Variants in RAD51B observed in about 807,000 individuals in gnomAD.
The protein encoded by RAD51B is DNA repair protein RAD51 homolog 2.
RAD51B carries 38 observed loss-of-function variants against 42.2 expected under a neutral mutation model. The observed-to-expected ratio is 0.90, with a 90% CI of 0.70 to 1.18. RAD51B has a LOEUF of 1.18. Ranked by LOEUF, RAD51B falls within the 50% of genes most tolerant of loss-of-function variation. The probability of loss-of-function intolerance (pLI) is 0.00; values close to 1 mark genes in which losing one functional copy is unlikely to be tolerated. For synonymous variants in RAD51B, 154 were observed against 145.2 expected, an observed-to-expected ratio of 1.06 and a Z score of -0.43; for missense variants, 373 against 400.7, an observed-to-expected ratio of 0.93 and a Z score of 0.59.
intron 7 of RAD51B, among the ~76,000 whole-genome samples, chr14:67,938,533 T>TA (rs2045040685): frequency 2.0e-5 from 3 of 152,272 alleles, no homozygotes; most frequent in Admixed American, 2.0e-4. Flanking sequence ...CTTTAGAACA[T>TA]AGCCCCCAAG....
chr14:68,198,946 T>C (rs1248076476), intron 7 of RAD51B, among the ~76,000 whole-genome samples: 1 of 152,204 alleles, frequency 6.6e-6, no homozygotes, highest in African/African-American at 2.4e-5. Context: ...TCTTTTTATA[T>C]TGAGCTAGTT....
chr14:67,862,426 A>AG (rs1191658958), intron 4 of RAD51B, among the ~76,000 whole-genome samples: 1 of 152,120 alleles, frequency 6.6e-6, no homozygotes, highest in African/African-American at 2.4e-5. Context: ...AAGCAAAAAA[A>AG]AAAAAAAGTT....
At chr14:68,319,204 T>C (rs34683771) in intron 8 of RAD51B, among the ~76,000 whole-genome samples, 107 of 152,356 alleles carry the variant, frequency 7.0e-4, no homozygotes, top group African/African-American at 2.4e-3. Flanking sequence ...AAGGGCAAAT[T>C]CTTGGCCACT....
At position 68,629,132 on chromosome 14, in the gene RAD51B, A is replaced by G. The variant is rs117829817; in HGVS notation, c.1037-21649A>G. 3.4e-3 allele frequency among the ~76,000 whole-genome samples: 518 copies of G among 152,260 alleles called. 3 individuals carry two copies. Among genetic ancestry groups the G allele is most frequent in the South Asian group, 0.022 (107 of 4,824 alleles). ...CATTTTAGCAGTGGCCCCCAGGGGA[A>G]ATCACACCATTCTTGGTTTTGTCCC... On this transcript the variant is annotated intron_variant, in intron 10 of 11. Transcript: ENST00000488612.
chr14:68,611,127 G>C, exon 11 of RAD51B: 1 of 703,150 alleles, frequency 1.4e-6, no homozygotes, highest in Non-Finnish European at 2.6e-6. Context: ...ATCCCAGGCT[G>C]TTACCCAGTG....
intron 10 of RAD51B, among the ~76,000 whole-genome samples, chr14:68,518,936 T>C (rs1886375717): frequency 6.6e-6 from 1 of 152,226 alleles, no homozygotes; most frequent in Admixed American, 6.5e-5. Context: ...GTGGCCCTTC[T>C]ATGCCAGAGC....
intron 10 of RAD51B, chr14:68,563,978 C>G (rs1889290372): frequency 1.1e-6 from 1 of 934,172 alleles, no homozygotes. Context: ...CATACACACC[C>G]TTTTCATTAT....
At chr14:68,491,587 A>G (rs1224491310) in intron 10 of RAD51B, among the ~76,000 whole-genome samples, 2 of 152,176 alleles carry the variant, frequency 1.3e-5, no homozygotes, top group African/African-American at 4.8e-5. Context: ...GACAGCTCCT[A>G]GTGTCCAGAA....
At chr14:67,955,654 T>C (rs893165721) in intron 7 of RAD51B, among the ~76,000 whole-genome samples, 3 of 152,222 alleles carry the variant, frequency 2.0e-5, no homozygotes, top group Admixed American at 6.5e-5. Context: ...CATATATCAA[T>C]TGCTGATAGT....
chr14:68,221,226 C>T (rs1054787930), intron 7 of RAD51B, among the ~76,000 whole-genome samples: 1 of 151,908 alleles, frequency 6.6e-6, no homozygotes, highest in Non-Finnish European at 1.5e-5. Flanking sequence ...CAAAAAAGAG[C>T]CTGTGAGTCA....
At chr14:67,977,330 G>T (rs2075014353) in intron 7 of RAD51B, among the ~76,000 whole-genome samples, 1 of 152,190 alleles carries the variant, frequency 6.6e-6, no homozygotes, top group Admixed American at 6.5e-5. Flanking sequence ...AGACATTCAT[G>T]AGGATGAGCT....
chr14:67,824,081 T>C (rs1416857680), intron 2 of RAD51B, among the ~76,000 whole-genome samples: 1 of 152,174 alleles, frequency 6.6e-6, no homozygotes, highest in Non-Finnish European at 1.5e-5. Flanking sequence ...TTAAAGGTTT[T>C]GGTTGGTTGT....
At chr14:68,636,338 A>G (rs569070613) in intron 10 of RAD51B, among the ~76,000 whole-genome samples, 47 of 152,242 alleles carry the variant, frequency 3.1e-4, no homozygotes, top group Admixed American at 1.6e-3. Flanking sequence ...ATCTCAACAC[A>G]TAGGGAGGCT....
chr14:67,961,550 A>G (rs745529982), intron 7 of RAD51B, among the ~76,000 whole-genome samples: 2 of 152,192 alleles, frequency 1.3e-5, no homozygotes, highest in African/African-American at 2.4e-5. Flanking sequence ...TTATTCTTGT[A>G]TACATTTTGA....
At chr14:67,903,431 TA>T (rs895133418) in intron 7 of RAD51B, among the ~76,000 whole-genome samples, 12 of 152,048 alleles carry the variant, frequency 7.9e-5, no homozygotes, top group African/African-American at 9.7e-5. Flanking sequence ...TTAAGGCATT[TA>T]AAAAAAATGA....
downstream of RAD51B, among the ~76,000 whole-genome samples, chr14:68,479,667 C>CTTTTT (rs34999023): frequency 9.2e-4 from 89 of 96,440 alleles, no homozygotes; most frequent in Non-Finnish European, 1.3e-3. Context: ...TCTTATTCTT[C>CTTTTT]TTTTTTTTTT....
chr14:68,482,873 G>T (rs1302128029), downstream of RAD51B, among the ~76,000 whole-genome samples: 7 of 152,166 alleles, frequency 4.6e-5, no homozygotes, highest in East Asian at 1.3e-3. Flanking sequence ...GACACATTTG[G>T]TTTTGTTCCC....
Position 68,528,244 on chromosome 14 carries a change from A to T in RAD51B, c.1036+59994A>T, listed in dbSNP as rs541966184. On this transcript the variant is annotated intron_variant, in intron 10 of 10. Coordinates refer to the RAD51B transcript ENST00000487270. ...AGAAAAACTTCAGCCATTGAGAATG[A>T]TGTCATTCATCATATTTCCTCTTTC... 1.8e-4 allele frequency among the ~76,000 whole-genome samples: 27 copies of T among 152,324 alleles called. No individual in the cohort carries two copies. The South Asian group carries it at 5.6e-3, about 32-fold the overall frequency.
chr14:68,467,610 G>T (rs1341207092), intron 9 of RAD51B, among the ~76,000 whole-genome samples: 2 of 152,220 alleles, frequency 1.3e-5, no homozygotes, highest in Non-Finnish European at 2.9e-5. Context: ...ATGCCACCTG[G>T]CAAGTCATAT....
Sources: gnomAD v4.1 joint callset for allele counts (sites outside exome capture counted in the v4.1 genomes callset) on GRCh38, gnomAD v4.1.1 for gene constraint, MANE v1.5 for transcripts, NCBI Gene and HGNC (gene_info 2026-07-23, HGNC 2026-07-21) for gene names.